The following THNSL2 variants were observed in gnomAD, a reference collection of about 807,000 sequenced individuals.
THNSL2 encodes threonine synthase like 2.
A neutral mutation model predicts 40.0 loss-of-function variants in THNSL2; 34 were observed. The observed-to-expected ratio is 0.85, with a 90% CI of 0.65 to 1.13. The LOEUF (loss-of-function observed/expected upper bound fraction) is 1.13. Ranked by LOEUF, THNSL2 falls within the 50% of genes most tolerant of loss-of-function variation. The pLI, the probability that THNSL2 is intolerant of heterozygous loss-of-function variation, is 0.00. For missense variants in THNSL2, 537 were observed against 608.8 expected, an observed-to-expected ratio of 0.88 and a Z score of 1.24; for synonymous variants, 241 against 247.5, an observed-to-expected ratio of 0.97 and a Z score of 0.25.
chr2:88,177,556 C>T (rs139324552), intron 4 of THNSL2, among the ~76,000 whole-genome samples: 5 of 152,266 alleles, frequency 3.3e-5, no homozygotes, highest in East Asian at 3.9e-4. Context: ...TTCCAGCTTC[C>T]GTAACTGGAA....
chr2:88,182,778 T>C lies in THNSL2; in HGVS notation c.882T>C (p.Thr294=), dbSNP rs771416062. The change falls in exon 6 of 9, where the codon ACT becomes ACC. Residue 294 remains threonine, a synonymous_variant. Coordinates refer to ENST00000674334, the MANE Select transcript of THNSL2 (RefSeq NM_018271.5). ...AVNRNDIIHR[T]VQQGDFSLSE... ...ACCGCAATGACATCATCCACAGGAC[T>C]GTCCAGCAGGGAGACTTCTCTCTCT... 2 of 1,614,216 alleles carry C rather than the reference T, an allele frequency of 1.2e-6. No individual in the cohort carries two copies. The highest frequency in any genetic ancestry group is 1.1e-5 in the South Asian group (1 of 91,080).
chr2:88,181,964 C>T lies in THNSL2; in HGVS notation c.803-735C>T, dbSNP rs182351304. Among the ~76,000 whole-genome samples, 37 of 152,152 alleles carry T rather than the reference C, an allele frequency of 2.4e-4. No homozygotes were observed. In the East Asian group the frequency reaches 4.6e-3, roughly 19 times the overall value. On this transcript the variant is annotated intron_variant, in intron 5 of 8. Transcript: ENST00000674334. Reference sequence around the variant, plus strand: ...GTTGTATCATATATCAGTACTTTTTCGATTGTATGGATATACCATACAGTG... The same window carrying T: ...GTTGTATCATATATCAGTACTTTTTTGATTGTATGGATATACCATACAGTG...
Position 88,182,731 on chromosome 2 carries a change from A to G in THNSL2, c.835A>G (p.Ile279Val), listed in dbSNP as rs761125337. 4 of 1,613,720 alleles carry G rather than the reference A, an allele frequency of 2.5e-6. No individual in the cohort carries two copies. In the African/African-American group the frequency reaches 4.0e-5, roughly 16 times the overall value. ...GYIAQKIGLP[I>V]RLVVAVNRND... ...CATTGCTCAAAAGATAGGCCTGCCC[A>G]TCCGTCTGGTCGTGGCAGTGAACCG... Residue 279 changes from isoleucine (I) to valine (V), a missense_variant, in exon 6 of 9, where the codon ATC becomes GTC. Coordinates refer to ENST00000674334, the MANE Select transcript of THNSL2 (RefSeq NM_018271.5).
rs748006299 is a variant in THNSL2 at position 88,178,949 on chromosome 2, G to C, written c.738G>C (p.Leu246Phe). Residue 246 changes from leucine (L) to phenylalanine (F), a missense_variant, in exon 5 of 9, where the codon TTG (leucine) becomes TTC (phenylalanine). By Grantham distance (22) the Leu-to-Phe change is conservative. Transcript: ENST00000674334. Reference sequence around the variant, plus strand: ...CTTACTTCCAGTGTACGCCATCCTTGGACACACATCCCCTACCCCTGGTGG... The same window carrying C: ...CTTACTTCCAGTGTACGCCATCCTTCGACACACATCCCCTACCCCTGGTGG... ...FFAYFQCTPS[L>F]DTHPLPLVEV... 6.2e-7 allele frequency: 1 copy of C among 1,614,236 alleles called. No individual in the cohort carries two copies. The highest frequency in any genetic ancestry group is 1.1e-5 in the South Asian group (1 of 91,084).
At chr2:88,171,571 G>T in intron 1 of THNSL2, 1 of 278,458 alleles carries the variant, frequency 3.6e-6, no homozygotes. Flanking sequence ...AGGCCTTTCT[G>T]TTACTCCACG....
chr2:88,174,316 GC>G (rs1676674227), intron 2 of THNSL2, among the ~76,000 whole-genome samples: 1 of 152,136 alleles, frequency 6.6e-6, no homozygotes, highest in Non-Finnish European at 1.5e-5. Context: ...GTGTTATGTA[GC>G]TATTTAATTG....
Position 88,185,936 on chromosome 2 carries a change from A to C in THNSL2, c.1268A>C (p.Lys423Thr), listed in dbSNP as rs577090115. The change falls in exon 9 of 9, where the codon AAG becomes ACG. Residue 423 changes from lysine to threonine, a missense_variant. By Grantham distance (78) the Lys-to-Thr change is moderately conservative (BLOSUM62 -1). Transcript: ENST00000674334. ...RCCLAPASAA[K>T]FPEAVLAAGL... Reference sequence around the variant, plus strand: ...TGCCTCGCCCCTGCCTCTGCAGCCAAGTTCCCGGAAGCTGTCCTGGCTGCT... The same window carrying C: ...TGCCTCGCCCCTGCCTCTGCAGCCACGTTCCCGGAAGCTGTCCTGGCTGCT... 2 of 1,611,678 alleles carry C rather than the reference A, an allele frequency of 1.2e-6. No homozygotes were observed. Among genetic ancestry groups the C allele is most frequent in the East Asian group, 4.5e-5 (2 of 44,808 alleles).
At chr2:88,172,378 C>G (rs1676463540) in intron 1 of THNSL2, 1 of 152,178 alleles carries the variant, frequency 6.6e-6, no homozygotes, top group Non-Finnish European at 1.5e-5. Context: ...TTATAACGGT[C>G]CTAGGATTAG....
In THNSL2 at chr2:88,185,496, C is replaced by T. The variant is rs1200550950; in HGVS notation, c.1229+17C>T. On this transcript the variant is annotated intron_variant, in intron 8 of 8. Coordinates refer to ENST00000674334, the MANE Select transcript of THNSL2 (RefSeq NM_018271.5). ...GCAGCCCAGGTACAGGCAATGGGGG[C>T]CTGGGCCACTGAGGGACCATTTGAA... 1 of 1,595,078 alleles carries T rather than the reference C, an allele frequency of 6.3e-7. No homozygotes were observed. Among genetic ancestry groups the T allele is most frequent in the Non-Finnish European group, 8.5e-7 (1 of 1,170,510 alleles).
At position 88,178,790 on chromosome 2, in the gene THNSL2, A is replaced by C. The variant is rs1187824444; in HGVS notation, c.579A>C (p.Gly193=). 7 of 1,614,080 alleles carry C rather than the reference A, an allele frequency of 4.3e-6. No homozygotes were observed. Among genetic ancestry groups the C allele is most frequent in the Middle Eastern group, 1.7e-4 (1 of 6,060 alleles). ...KQNVHVFGVE[G]NSDELDEPIK... ...TTCTCTCCCCCCTGGCAGTGGAGGGAAACAGCGATGAGCTCGATGAGCCGA... is the reference window on the plus strand; with the variant it reads ...TTCTCTCCCCCCTGGCAGTGGAGGGCAACAGCGATGAGCTCGATGAGCCGA... Residue 193 remains glycine, a synonymous_variant, in exon 5 of 9, where the codon GGA becomes GGC. Coordinates refer to ENST00000674334, the MANE Select transcript of THNSL2 (RefSeq NM_018271.5).
intron 8 of THNSL2, 116 bp downstream of exon 8, chr2:88,185,595 T>C (rs757022911): frequency 1.3e-6 from 2 of 1,551,356 alleles, no homozygotes; most frequent in East Asian, 2.4e-5. Context: ...TGGAGTGTGA[T>C]GGGTGCTGTG....
At chr2:88,182,337 G>T (rs1019487175) in intron 5 of THNSL2, among the ~76,000 whole-genome samples, 2 of 152,080 alleles carry the variant, frequency 1.3e-5, no homozygotes, top group Admixed American at 1.3e-4. Context: ...CATGGTTTTT[G>T]TTTATATTTC....
At chr2:88,171,587 G>A (rs894888140) in intron 1 of THNSL2, 1 of 238,788 alleles carries the variant, frequency 4.2e-6, no homozygotes, top group Admixed American at 5.0e-5. Context: ...CCACGGTCTT[G>A]GGCAGTTTGC....
chr2:88,186,441 G>A lies in THNSL2; in HGVS notation c.*318G>A. The stretch of plus-strand genomic sequence containing the variant: ...GCACAGGACTGACCATGGCTCCAGG[G>A]GTTTAGGACCCCAGACCTGTGAAGG... On this transcript the variant is annotated 3_prime_UTR_variant, in exon 9 of 9. Coordinates refer to ENST00000674334, the MANE Select transcript of THNSL2 (RefSeq NM_018271.5). 1 of 297,786 alleles carries A rather than the reference G, an allele frequency of 3.4e-6. No homozygotes were observed. Among genetic ancestry groups the A allele is most frequent in the Non-Finnish European group, 6.3e-6 (1 of 159,092 alleles). The allele number at this position is 297,786 out of a possible 1,614,324, so 18.4% of individuals were successfully genotyped here.
chr2:88,173,425 T>C, intron 2 of THNSL2, 52 bp downstream of exon 2: 2 of 1,399,090 alleles, frequency 1.4e-6, no homozygotes, highest in Non-Finnish European at 1.9e-6. Flanking sequence ...CAGCTCAGTC[T>C]ACAGAATTGT....
At chr2:88,181,110 TCC>T (rs1176034403) in intron 5 of THNSL2, among the ~76,000 whole-genome samples, 6 of 3,358 alleles carry the variant, frequency 1.8e-3, no homozygotes, top group Admixed American at 3.3e-3. Flanking sequence ...CTCCTCTCTC[TCC>T]TCTCTCTCTC....
In THNSL2 at chr2:88,178,849, A is replaced by G. The variant is rs1331237897; in HGVS notation, c.638A>G (p.Lys213Arg). The G allele has an allele frequency of 6.2e-7, 1 of 1,614,188 alleles. No homozygotes were observed. Among genetic ancestry groups the G allele is most frequent in the Middle Eastern group, 1.6e-4 (1 of 6,062 alleles). The change falls in exon 5 of 9, where the codon AAG becomes AGG. Residue 213 changes from lysine to arginine, a missense_variant. Transcript: ENST00000674334. ...KTVFADVAFVKKHNLMSLNSI... is the reference protein window; with the variant it reads ...KTVFADVAFVRKHNLMSLNSI... ...GTGTTTGCCGATGTGGCTTTTGTCA[A>G]GAAGCACAATCTGATGAGCCTGAAT...
Position 88,186,390 on chromosome 2 carries a change from C to T in THNSL2, c.*267C>T. On this transcript the variant is annotated 3_prime_UTR_variant, in exon 9 of 9. Coordinates refer to ENST00000674334, the MANE Select transcript of THNSL2 (RefSeq NM_018271.5). Reference sequence around the variant, plus strand: ...AGTGTCTGAGCTGTAGTGAAAGTTTCAGGGCCTGCAAAAGAAGAGGCTTGG... The same window carrying T: ...AGTGTCTGAGCTGTAGTGAAAGTTTTAGGGCCTGCAAAAGAAGAGGCTTGG... The T allele has an allele frequency of 2.0e-6, 1 of 489,374 alleles. No homozygotes were observed. Among genetic ancestry groups the T allele is most frequent in the Non-Finnish European group, 3.7e-6 (1 of 267,570 alleles). 30.3% of individuals were successfully genotyped at this position (489,374 alleles called of 1,614,324 possible). A position where few individuals can be genotyped will look rare whatever the true frequency, so the allele number is the denominator to read the frequency against.
chr2:88,175,631 G>A, intron 4 of THNSL2: 3 of 506,632 alleles, frequency 5.9e-6, no homozygotes, highest in Admixed American at 3.7e-5. Flanking sequence ...AGTACAACAT[G>A]CTAAGTATGG....
Sources: gnomAD v4.1 joint callset for allele counts (sites outside exome capture counted in the v4.1 genomes callset) on GRCh38, gnomAD v4.1.1 for gene constraint, MANE v1.5 for transcripts, NCBI Gene and HGNC (gene_info 2026-07-23, HGNC 2026-07-21) for gene names.